MAPK8: variants seen among roughly 807,000 people sequenced by gnomAD.
MAPK8 encodes the protein mitogen-activated protein kinase 8.
A neutral mutation model predicts 52.9 loss-of-function variants in MAPK8; 13 were observed. The observed-to-expected ratio is 0.25, with a 90% CI of 0.16 to 0.39. The LOEUF is 0.39. Among genes scored for constraint, MAPK8 ranks in the 10% least tolerant of loss-of-function variants. The pLI is 1.00. For missense variants in MAPK8, 300 were observed against 519.2 expected, an observed-to-expected ratio of 0.58 and a Z score of 4.10; for synonymous variants, 191 against 169.8, an observed-to-expected ratio of 1.12 and a Z score of -0.97.
chr10:48,337,070 G>A lies in MAPK8; in HGVS notation c.-50+30249G>A, dbSNP rs144687592. ...CACTGACAGCACTGGACAGATCACC[G>A]CAGAAAACTAACAAATTCTCGACTT... On this transcript the variant is annotated intron_variant, in intron 1 of 11. Coordinates refer to ENST00000374189, the MANE Select transcript of MAPK8 (RefSeq NM_001323329.2). Among the ~76,000 whole-genome samples, 440 of 152,242 alleles carry A rather than the reference G, an allele frequency of 2.9e-3. 3 individuals are homozygous for A. Among genetic ancestry groups the A allele is most frequent in the Admixed American group, 4.5e-3 (69 of 15,300 alleles).
At chr10:48,320,437 A>G (rs1330859876) in intron 1 of MAPK8, among the ~76,000 whole-genome samples, 4 of 150,894 alleles carry the variant, frequency 2.7e-5, no homozygotes, top group South Asian at 2.1e-4. Context: ...GGCTCTCCCT[A>G]TGTTTCCCAG....
chr10:48,396,768 G>A (rs1400113102), intron 1 of MAPK8, among the ~76,000 whole-genome samples: 1 of 152,070 alleles, frequency 6.6e-6, no homozygotes, highest in Non-Finnish European at 1.5e-5. Flanking sequence ...GAATCTTAAG[G>A]GCATTATACT....
intron 1 of MAPK8, among the ~76,000 whole-genome samples, chr10:48,340,440 G>GTTCACTA (rs1845142646): frequency 6.6e-6 from 1 of 152,262 alleles, no homozygotes; most frequent in African/African-American, 2.4e-5. Context: ...TGGGTACTAT[G>GTTCACTA]TTCACTATTT....
At chr10:48,418,394 G>C (rs1236940355) in intron 5 of MAPK8, among the ~76,000 whole-genome samples, 3 of 152,100 alleles carry the variant, frequency 2.0e-5, no homozygotes, top group Non-Finnish European at 2.9e-5. Context: ...CACGACTCAG[G>C]CTTATTTCCT....
chr10:48,316,488 C>T (rs1004589108), intron 1 of MAPK8, among the ~76,000 whole-genome samples: 1 of 152,198 alleles, frequency 6.6e-6, no homozygotes, highest in African/African-American at 2.4e-5. Flanking sequence ...AGGCTGCTTT[C>T]TATGTGCTTA....
intron 1 of MAPK8, among the ~76,000 whole-genome samples, chr10:48,312,025 A>C (rs1842028755): frequency 1.3e-5 from 2 of 152,226 alleles, no homozygotes; most frequent in Non-Finnish European, 2.9e-5. Flanking sequence ...TTATGTCCTA[A>C]CACAAGGAAG....
intron 1 of MAPK8, among the ~76,000 whole-genome samples, chr10:48,347,189 G>C (rs928647664): frequency 2.6e-5 from 4 of 152,008 alleles, no homozygotes; most frequent in African/African-American, 9.7e-5. Flanking sequence ...CCCCCCACTA[G>C]GCATTTTTTC....
At chr10:48,403,056 G>T (rs944427536) in intron 2 of MAPK8, among the ~76,000 whole-genome samples, 5 of 152,240 alleles carry the variant, frequency 3.3e-5, no homozygotes, top group Middle Eastern at 3.4e-3. Context: ...TTATATATAT[G>T]TACAAAAGAT....
chr10:48,369,554 G>T (rs895631045), intron 1 of MAPK8, among the ~76,000 whole-genome samples: 1 of 152,106 alleles, frequency 6.6e-6, no homozygotes, highest in Non-Finnish European at 1.5e-5. Context: ...AAGCTCAATA[G>T]TAGATACATA....
intron 3 of MAPK8, 75 bp from the exon 4 acceptor site, chr10:48,409,804 C>T (rs941254417): frequency 1.1e-6 from 1 of 950,972 alleles, no homozygotes; most frequent in South Asian, 1.5e-5. Context: ...TTTTTTAACT[C>T]ATGTATTTGT....
intron 8 of MAPK8, 128 bp from the exon 9 acceptor site, chr10:48,426,252 T>C: frequency 2.3e-6 from 2 of 861,178 alleles, no homozygotes; most frequent in Non-Finnish European, 3.3e-6. Context: ...TTTAATCATA[T>C]GTATAAGATA....
chr10:48,408,301 G>A (rs1435389424), intron 3 of MAPK8, among the ~76,000 whole-genome samples: 1 of 152,100 alleles, frequency 6.6e-6, no homozygotes, highest in Non-Finnish European at 1.5e-5. Context: ...ACAGTGTGCT[G>A]AATACCATAA....
intron 6 of MAPK8, among the ~76,000 whole-genome samples, chr10:48,421,295 A>C (rs1481094399): frequency 6.6e-6 from 1 of 152,254 alleles, no homozygotes; most frequent in East Asian, 1.9e-4. Flanking sequence ...TTTTATTCTT[A>C]AGTAAATATG....
intron 1 of MAPK8, among the ~76,000 whole-genome samples, chr10:48,338,762 G>A (rs1476577380): frequency 6.6e-6 from 1 of 151,966 alleles, no homozygotes; most frequent in African/African-American, 2.4e-5. Context: ...AAAATCACTG[G>A]CATTTCTATA....
At chr10:48,321,293 C>T (rs368866980) in intron 1 of MAPK8, among the ~76,000 whole-genome samples, 8 of 151,848 alleles carry the variant, frequency 5.3e-5, no homozygotes, top group Non-Finnish European at 8.8e-5. Context: ...CTCACTGTGC[C>T]GCCTAGGTGC....
Position 48,336,700 on chromosome 10 carries a change from GT to G in MAPK8, c.-50+29881del, listed in dbSNP as rs374592379. Among the ~76,000 whole-genome samples, 601 of 152,200 alleles carry G rather than the reference GT, an allele frequency of 3.9e-3. 3 individuals are homozygous for G. Among genetic ancestry groups the G allele is most frequent in the African/African-American group, 0.013 (560 of 41,528 alleles). On this transcript the variant is annotated intron_variant, in intron 1 of 11. Transcript: ENST00000374189. ...ATAACCTATTGTGATAACCCTGTGG[GT>G]TGCTTAGCCCCTGGAAAACTGCTGT...
Position 48,436,521 on chromosome 10 carries a change from C to CAT in MAPK8, c.*1494_*1495dup, listed in dbSNP as rs911764088. 2.6e-5 allele frequency: 4 copies of CAT among 152,180 alleles called. No individual in the cohort carries two copies. Among genetic ancestry groups the CAT allele is most frequent in the African/African-American group, 9.7e-5 (4 of 41,432 alleles). 9.4% of individuals were successfully genotyped at this position (152,180 alleles called of 1,614,324 possible). A position where few individuals can be genotyped will look rare whatever the true frequency, so the allele number is the denominator to read the frequency against. ...ATTTCATGTAATGAACTAGGAAATG[C>CAT]ATACTCACATAAGCAACAAGGTTCT... On this transcript the variant is annotated 3_prime_UTR_variant, in exon 12 of 12. Coordinates refer to ENST00000374189, the MANE Select transcript of MAPK8 (RefSeq NM_001323329.2).
At chr10:48,389,414 C>A (rs1235832472) in intron 1 of MAPK8, among the ~76,000 whole-genome samples, 5 of 152,276 alleles carry the variant, frequency 3.3e-5, no homozygotes, top group African/African-American at 1.2e-4. Context: ...GAAGCACTTA[C>A]TCAGCGGATC....
rs2043728595 is a variant in MAPK8 at position 48,427,045 on chromosome 10, T to C, written c.997-35T>C. 4 of 1,538,528 alleles carry C rather than the reference T, an allele frequency of 2.6e-6. No homozygotes were observed. The Admixed American group carries it at 6.7e-5, about 26-fold the overall frequency. ...CTACAGAGTTAAAATACTCCCAGCATACTGACTTGGTTATTATTGCCTTGT... is the reference window on the plus strand; with the variant it reads ...CTACAGAGTTAAAATACTCCCAGCACACTGACTTGGTTATTATTGCCTTGT... On this transcript the variant is annotated intron_variant, in intron 9 of 11. Transcript: ENST00000374189.
Sources: allele counts gnomAD v4.1 joint callset (sites outside exome capture counted in the v4.1 genomes callset), GRCh38; gene constraint gnomAD v4.1.1; transcripts MANE v1.5; gene names NCBI Gene and HGNC (gene_info 2026-07-23, HGNC 2026-07-21).